Variants in ASAP3 observed in about 807,000 individuals in gnomAD.
ASAP3 encodes arf-GAP with SH3 domain, ANK repeat and PH domain-containing protein 3.
Under a neutral mutation model 118.2 loss-of-function variants are expected in ASAP3, and 85 were observed. The observed-to-expected ratio is 0.72, with a 90% CI of 0.60 to 0.86. The LOEUF (loss-of-function observed/expected upper bound fraction) is 0.86, where lower values mean the gene tolerates loss of function less well. Ranked by LOEUF, ASAP3 falls within the 40% of genes least tolerant of loss-of-function variation. ASAP3 has a pLI of 0.00. For missense variants in ASAP3, 1,026 were observed against 1,175.0 expected (o/e 0.87, Z 1.85); for synonymous variants, 432 against 477.4 (o/e 0.90, Z 1.24).
Position 23,442,514 on chromosome 1 carries a change from A to T in ASAP3, c.572T>A (p.Leu191Gln). Residue 191 changes from leucine (L) to glutamine (Q), a missense_variant, in exon 6 of 25, where the codon CTG becomes CAG. Leu to Gln is a moderately radical substitution (Grantham distance 113). Transcript: ENST00000336689. ...DMQRERRIFQLHMCEYLLKAG... is the reference protein window; with the variant it reads ...DMQRERRIFQQHMCEYLLKAG... ...AGCACCCCTTACCTCACACATGTGC[A>T]GCTGGAAGATGCGCCGCTCTCTCTG... The T allele has an allele frequency of 6.2e-7, 1 of 1,613,702 alleles. No homozygotes were observed. Among genetic ancestry groups the T allele is most frequent in the Non-Finnish European group, 8.5e-7 (1 of 1,179,848 alleles).
Position 23,433,459 on chromosome 1 carries a change from G to C in ASAP3, c.2093C>G (p.Pro698Arg), listed in dbSNP as rs747871777. 4.3e-6 allele frequency: 7 copies of C among 1,614,098 alleles called. No homozygotes were observed. The African/African-American group carries it at 9.3e-5, about 22-fold the overall frequency. ...VDYSWVISTE[P>R]GSDSEEDEEE... The stretch of plus-strand genomic sequence containing the variant: ...CTCATCCTCCTCACTGTCAGAGCCA[G>C]GCTCTGTGGAAATTACCCAGGAGTA... The change falls in exon 21 of 25, where the codon CCT becomes CGT. Residue 698 changes from proline to arginine, a missense_variant. Pro to Arg is a moderately radical substitution (Grantham distance 103). Coordinates refer to ENST00000336689, the MANE Select transcript of ASAP3 (RefSeq NM_017707.4).
rs976496124 is a variant in ASAP3 at position 23,436,552 on chromosome 1, C to A, written c.1571+8G>T. 1.2e-6 allele frequency: 2 copies of A among 1,613,888 alleles called. No individual in the cohort carries two copies. ...GCAGGGTGCCCCTCTCTCTGAGAAT[C>A]CCCTTACATGTCACTCTCAGCTGAG... is the stretch of plus-strand genomic sequence containing the variant. On this transcript the variant is annotated splice_region_variant and intron_variant, in intron 16 of 24. Transcript: ENST00000336689. The surrounding 1 kb of genome is among the most constrained non-coding windows in gnomAD (Gnocchi z 4.2).
chr1:23,479,259 T>C (rs934183660), intron 1 of ASAP3, among the ~76,000 whole-genome samples: 14 of 146,072 alleles, frequency 9.6e-5, no homozygotes, highest in Non-Finnish European at 1.5e-4. Flanking sequence ...GCGAAAGCAC[T>C]GATCAGATGT....
At chr1:23,474,338 T>C (rs966801457) in intron 1 of ASAP3, among the ~76,000 whole-genome samples, 1 of 152,144 alleles carries the variant, frequency 6.6e-6, no homozygotes, top group Non-Finnish European at 1.5e-5. Flanking sequence ...ATTTTACCTC[T>C]GGGCATCTGG....
Position 23,454,252 on chromosome 1 carries a change from T to C in ASAP3, c.349-1481A>G, listed in dbSNP as rs537949191. Among the ~76,000 whole-genome samples the C allele has an allele frequency of 4.8e-4, 72 of 150,546 alleles. 1 individual carries two copies. The highest frequency in any genetic ancestry group is 1.6e-3 in the African/African-American group (67 of 40,922). On this transcript the variant is annotated intron_variant, in intron 3 of 24. Coordinates refer to ENST00000336689, the MANE Select transcript of ASAP3 (RefSeq NM_017707.4). The stretch of plus-strand genomic sequence containing the variant: ...CCCAGGCTGGAGTGCAGTGGCATGA[T>C]CTCAGCTCACTGCCACCTCCGCCTC...
In ASAP3 at chr1:23,437,013, C is replaced by T; in HGVS notation, c.1374G>A (p.Val458=). The T allele has an allele frequency of 6.2e-7, 1 of 1,611,914 alleles. No individual in the cohort carries two copies. Among genetic ancestry groups the T allele is most frequent in the South Asian group, 1.1e-5 (1 of 90,834 alleles). ...CGCCCGAGCACTGGATGCAGGTGAG[C>T]ACGCCCAGGTTGGTGCTGAGCCACG... ...DPTWLSTNLG[V]LTCIQCSGVH... Residue 458 remains valine, a synonymous_variant, in exon 15 of 25, where the codon GTG becomes GTA. Coordinates refer to ENST00000336689, the MANE Select transcript of ASAP3 (RefSeq NM_017707.4). The surrounding 1 kb of genome is among the most constrained non-coding windows in gnomAD (Gnocchi z 6.1).
rs374835567 is a variant in ASAP3 at position 23,442,562 on chromosome 1, G to C, written c.524C>G (p.Pro175Arg). ...RDRARVTGGI[P>R]GEVAQDMQRE... is the part of the protein sequence containing the mutation. ...CTGCATGTCCTGGGCCACCTCCCCA[G>C]GGATCCCTCCTGTCACCCTGGCCCG... Residue 175 changes from proline (P) to arginine (R), a missense_variant, in exon 6 of 25, where the codon CCT becomes CGT. Transcript: ENST00000336689. The C allele has an allele frequency of 2.5e-5, 41 of 1,613,978 alleles. No homozygotes were observed. Among genetic ancestry groups the C allele is most frequent in the Non-Finnish European group, 3.3e-5 (39 of 1,180,032 alleles).
rs1404148425 is a variant in ASAP3 at position 23,436,471 on chromosome 1, C to G, written c.1571+89G>C. ...AGCCACTGCGCCCAGCCTCCCCAGA[C>G]TTCTGATCCAAGACTTTTCTACGAC... On this transcript the variant is annotated intron_variant, in intron 16 of 24. Coordinates refer to ENST00000336689, the MANE Select transcript of ASAP3 (RefSeq NM_017707.4). The surrounding 1 kb of genome is among the most constrained non-coding windows in gnomAD (Gnocchi z 4.2). 1.4e-6 allele frequency: 2 copies of G among 1,472,476 alleles called. No homozygotes were observed. Among genetic ancestry groups the G allele is most frequent in the Non-Finnish European group, 1.9e-6 (2 of 1,059,554 alleles). 91.2% of individuals were successfully genotyped at this position (1,472,476 alleles called of 1,614,324 possible).
chr1:23,461,896 C>T (rs1641600393), intron 1 of ASAP3, among the ~76,000 whole-genome samples: 1 of 152,132 alleles, frequency 6.6e-6, no homozygotes, highest in South Asian at 2.1e-4. Flanking sequence ...CTGTGGAATT[C>T]TTTAATATGA....
Position 23,441,750 on chromosome 1 carries a change from AAAC to A in ASAP3, c.672-23_672-21del. 1.9e-6 allele frequency: 3 copies of A among 1,613,746 alleles called. No individual in the cohort carries two copies. Among genetic ancestry groups the A allele is most frequent in the Non-Finnish European group, 1.7e-6 (2 of 1,179,668 alleles). On this transcript the variant is annotated intron_variant, in intron 7 of 24. Coordinates refer to ENST00000336689, the MANE Select transcript of ASAP3 (RefSeq NM_017707.4). ...AAAAAGCTAAGAGGTGTCAGAGGCCAAACAAGGGTCCAGATAAAGATGGAAATG... is the reference window on the plus strand; with the variant it reads ...AAAAAGCTAAGAGGTGTCAGAGGCCAAAGGGTCCAGATAAAGATGGAAATG...
chr1:23,436,774 C>G lies in ASAP3; in HGVS notation c.1477-120G>C. On this transcript the variant is annotated intron_variant, in intron 15 of 24. Transcript: ENST00000336689. This position sits in a 1 kb window ranked among gnomAD's most constrained non-coding sequence, Gnocchi z 4.2. ...GGCCGCCCTCCCGGTTCAGGCCCCG[C>G]CCCTGACCACCCGCTACCTGGCTTG... The G allele has an allele frequency of 1.3e-6, 2 of 1,538,238 alleles. No individual in the cohort carries two copies. The highest frequency in any genetic ancestry group is 1.8e-6 in the Non-Finnish European group (2 of 1,136,254).
Position 23,473,142 on chromosome 1 carries a change from C to T in ASAP3, c.129+10863G>A, listed in dbSNP as rs1002556439. Reference sequence around the variant, plus strand: ...TCAGTAAATATGGCTTAATGGATTACTAACCTTCAGTGGGCATGCAATAGC... The same window carrying T: ...TCAGTAAATATGGCTTAATGGATTATTAACCTTCAGTGGGCATGCAATAGC... On this transcript the variant is annotated intron_variant, in intron 1 of 24. Transcript: ENST00000336689. 2.6e-5 allele frequency among the ~76,000 whole-genome samples: 4 copies of T among 152,190 alleles called. No homozygotes were observed. In the East Asian group the frequency reaches 5.8e-4, roughly 22 times the overall value.
intron 1 of ASAP3, among the ~76,000 whole-genome samples, chr1:23,461,397 G>A (rs1420236622): frequency 1.3e-5 from 2 of 152,134 alleles, no homozygotes; most frequent in Non-Finnish European, 2.9e-5. Context: ...GGCCTGGGGT[G>A]GGGTGGCTCA....
intron 1 of ASAP3, among the ~76,000 whole-genome samples, chr1:23,472,182 T>C (rs940792752): frequency 6.6e-6 from 1 of 152,238 alleles, no homozygotes; most frequent in African/African-American, 2.4e-5. Context: ...ACACTGTGAA[T>C]ATACTTAAGG....
chr1:23,452,961 G>A (rs923478120), intron 3 of ASAP3, among the ~76,000 whole-genome samples, 190 bp from the exon 4 acceptor site: 3 of 151,004 alleles, frequency 2.0e-5, no homozygotes, highest in Non-Finnish European at 2.9e-5. Context: ...CTGAGCCTGC[G>A]GGGGGGGACT....
Position 23,438,682 on chromosome 1 carries a change from C to A in ASAP3, c.1102+65G>T. ...ACCCCTCACTGAAGCCCCCCGGGAG[C>A]TGACAGGTGTCTTAGAGAAGCCCTG... On this transcript the variant is annotated intron_variant, in intron 12 of 24. Coordinates refer to ENST00000336689, the MANE Select transcript of ASAP3 (RefSeq NM_017707.4). The surrounding 1 kb of genome is among the most constrained non-coding windows in gnomAD (Gnocchi z 4.9). 6.8e-7 allele frequency: 1 copy of A among 1,480,746 alleles called. No individual in the cohort carries two copies. Among genetic ancestry groups the A allele is most frequent in the Non-Finnish European group, 9.4e-7 (1 of 1,062,774 alleles). The allele number at this position is 1,480,746 out of a possible 1,614,324, so 91.7% of individuals were successfully genotyped here.
At chr1:23,477,167 C>A (rs1642157331) in intron 1 of ASAP3, among the ~76,000 whole-genome samples, 1 of 151,386 alleles carries the variant, frequency 6.6e-6, no homozygotes. Context: ...CAGGCACGTG[C>A]CACCATACCC....
chr1:23,434,390 GGA>G (rs754552426), intron 18 of ASAP3, 21 bp from the exon 19 acceptor site: 1 of 1,613,376 alleles, frequency 6.2e-7, no homozygotes, highest in African/African-American at 1.3e-5. Context: ...GAGGGTTCAG[GGA>G]GAAAGGAAGG....
At chr1:23,459,665 G>T (rs1223663099) in intron 1 of ASAP3, among the ~76,000 whole-genome samples, 2 of 152,180 alleles carry the variant, frequency 1.3e-5, no homozygotes, top group Admixed American at 1.3e-4. Context: ...GCCCCACACC[G>T]CCACAGCAAG....
Sources: gnomAD v4.1 joint callset for allele counts (sites outside exome capture counted in the v4.1 genomes callset) on GRCh38, gnomAD v4.1.1 for gene constraint, Gnocchi (gnomAD v3.1) non-coding constraint, MANE v1.5 for transcripts, NCBI Gene and HGNC (gene_info 2026-07-23, HGNC 2026-07-21) for gene names.